JAKMIP1: variants seen among roughly 807,000 people sequenced by gnomAD.
JAKMIP1 encodes the protein janus kinase and microtubule interacting protein 1, also known as janus kinase and microtubule-interacting protein 1.
Under a neutral mutation model 113.0 loss-of-function variants are expected in JAKMIP1, and 33 were observed. The observed-to-expected ratio is 0.29, with a 90% confidence interval of 0.22 to 0.39. The LOEUF (loss-of-function observed/expected upper bound fraction) is 0.39, where lower values mean the gene tolerates loss of function less well. Ranked by LOEUF, JAKMIP1 falls within the 10% of genes least tolerant of loss-of-function variation. The pLI, the probability that JAKMIP1 is intolerant of heterozygous loss-of-function variation, is 1.00. For missense variants in JAKMIP1, 813 were observed against 1,080.5 expected (o/e 0.75, Z 3.47); for synonymous variants, 480 against 459.9 (o/e 1.04, Z -0.56).
rs1024915567 is a variant in JAKMIP1 at position 6,186,099 on chromosome 4, G to A, written c.-148+14154C>T. Among the ~76,000 whole-genome samples the A allele has an allele frequency of 1.3e-5, 2 of 152,076 alleles. No individual in the cohort carries two copies. The highest frequency in any genetic ancestry group is 2.4e-5 in the African/African-American group (1 of 41,394). On this transcript the variant is annotated intron_variant, in intron 1 of 20. Coordinates refer to ENST00000409021, the MANE Select transcript of JAKMIP1 (RefSeq NM_001099433.2). The surrounding 1 kb of genome is among the most constrained non-coding windows in gnomAD (Gnocchi z 5.5). ...GGCTAGGGGCTACAGGAAGGAGAAC[G>A]AACAAGTTGTGGTGAGAATTACACA...
At chr4:6,066,480 C>A (rs1718094484) in intron 8 of JAKMIP1, among the ~76,000 whole-genome samples, 1 of 152,172 alleles carries the variant, frequency 6.6e-6, no homozygotes, top group African/African-American at 2.4e-5. Context: ...GAATACGACT[C>A]TCCCCCGAAC....
intron 12 of JAKMIP1, among the ~76,000 whole-genome samples, chr4:6,055,283 C>A (rs1716234749): frequency 6.6e-6 from 1 of 152,128 alleles, no homozygotes; most frequent in African/African-American, 2.4e-5. Flanking sequence ...CAGGAGGGGT[C>A]TTTATCAGGC....
chr4:6,032,026 G>A (rs539767487), intron 19 of JAKMIP1, among the ~76,000 whole-genome samples: 195 of 152,286 alleles, frequency 1.3e-3, no homozygotes, highest in Non-Finnish European at 1.7e-3. Flanking sequence ...CAGGGCGGCC[G>A]AGTGCTGCTG....
intron 3 of JAKMIP1, among the ~76,000 whole-genome samples, chr4:6,095,057 A>C (rs1486995881): frequency 3.7e-5 from 5 of 136,036 alleles, no homozygotes; most frequent in African/African-American, 1.3e-4. Context: ...AAGGAAGGAA[A>C]GAAGGAAAGT....
intron 16 of JAKMIP1, among the ~76,000 whole-genome samples, chr4:6,043,241 G>A (rs1238569489): frequency 2.0e-5 from 3 of 151,504 alleles, no homozygotes; most frequent in African/African-American, 7.3e-5. Flanking sequence ...CCTGCCACCA[G>A]ATCCCGGCTG....
In JAKMIP1 at chr4:6,138,546, A is replaced by G. The variant is rs1719602168; in HGVS notation, c.-147-25549T>C. The stretch of plus-strand genomic sequence containing the variant: ...GCCACTGCACCTGGCCTAGAATCCA[A>G]GTTAAAATTAAAGAGGGACACACAA... On this transcript the variant is annotated intron_variant, in intron 1 of 20. Transcript: ENST00000409021. The surrounding 1 kb of genome is among the most constrained non-coding windows in gnomAD (Gnocchi z 6.0). Among the ~76,000 whole-genome samples the G allele has an allele frequency of 6.6e-6, 1 of 152,130 alleles. No individual in the cohort carries two copies. Among genetic ancestry groups the G allele is most frequent in the African/African-American group, 2.4e-5 (1 of 41,416 alleles).
chr4:6,029,823 C>T lies in JAKMIP1; in HGVS notation c.2380-42G>A, dbSNP rs191428347. On this transcript the variant is annotated intron_variant, in intron 19 of 20. Transcript: ENST00000409021. The stretch of plus-strand genomic sequence containing the variant: ...TACGTGTCAGAAAAAGTAAGTTTTC[C>T]AGGTTTAAAAACTCTGTTTTTATTT... 5.7e-5 allele frequency: 79 copies of T among 1,391,440 alleles called. 1 individual carries two copies. In the Admixed American group the frequency reaches 1.2e-3, roughly 21 times the overall value. 86.2% of individuals were successfully genotyped at this position (1,391,440 alleles called of 1,614,324 possible).
At chr4:6,125,932 C>A (rs1717463513) in intron 1 of JAKMIP1, among the ~76,000 whole-genome samples, 1 of 65,652 alleles carries the variant, frequency 1.5e-5, no homozygotes, top group Non-Finnish European at 3.3e-5. Flanking sequence ...TGCAGAAACA[C>A]ACACACACCA....
intron 1 of JAKMIP1, among the ~76,000 whole-genome samples, chr4:6,114,831 T>C (rs2108894700): frequency 6.6e-6 from 1 of 152,312 alleles, no homozygotes; most frequent in South Asian, 2.1e-4. Flanking sequence ...GAAATCAGCC[T>C]TCGAGTCTGA....
intron 8 of JAKMIP1, among the ~76,000 whole-genome samples, chr4:6,074,472 C>G (rs1208695758): frequency 1.3e-5 from 2 of 152,202 alleles, no homozygotes; most frequent in African/African-American, 2.4e-5. Context: ...TGTTAAAACA[C>G]TTCCATGTGT....
At position 6,156,268 on chromosome 4, in the gene JAKMIP1, C is replaced by G. The variant is rs1011349149; in HGVS notation, c.-147-43271G>C. ...GGAACAAGCGAATGCCACTGTATCA[C>G]ACTGATCCTAAGTTAACGTTTCTGA... On this transcript the variant is annotated intron_variant, in intron 1 of 20. Transcript: ENST00000409021. This position sits in a 1 kb window ranked among gnomAD's most constrained non-coding sequence, Gnocchi z 5.0. Among the ~76,000 whole-genome samples, 1 of 152,206 alleles carries G rather than the reference C, an allele frequency of 6.6e-6. No homozygotes were observed. The highest frequency in any genetic ancestry group is 6.5e-5 in the Admixed American group (1 of 15,288).
chr4:6,068,020 G>A (rs531203945), intron 8 of JAKMIP1, among the ~76,000 whole-genome samples: 3 of 152,322 alleles, frequency 2.0e-5, no homozygotes, highest in Admixed American at 6.5e-5. Context: ...ACACACTGCT[G>A]GGCTGTGACC....
Position 6,051,315 on chromosome 4 carries a change from C to T in JAKMIP1, c.1807-636G>A, listed in dbSNP as rs1250295895. Among the ~76,000 whole-genome samples the T allele has an allele frequency of 2.0e-5, 3 of 152,000 alleles. No individual in the cohort carries two copies. The highest frequency in any genetic ancestry group is 6.5e-5 in the Admixed American group (1 of 15,274). On this transcript the variant is annotated intron_variant, in intron 13 of 20. Transcript: ENST00000409021. This position sits in a 1 kb window ranked among gnomAD's most constrained non-coding sequence, Gnocchi z 5.0. ...TTGGCTCACTGCAACCTCCACCTCC[C>T]GGGTTCAAGTGATTCTCCTGCCTCA...
At position 6,199,224 on chromosome 4, in the gene JAKMIP1, G is replaced by T. The variant is rs956468426; in HGVS notation, c.-148+1029C>A. ...AGGGCTGGCGGTTAGATACAGTATCGCTGGAGCTCAGAGAGCCGGGCAGAG... is the reference window on the plus strand; with the variant it reads ...AGGGCTGGCGGTTAGATACAGTATCTCTGGAGCTCAGAGAGCCGGGCAGAG... On this transcript the variant is annotated intron_variant, in intron 1 of 20. Coordinates refer to ENST00000409021, the MANE Select transcript of JAKMIP1 (RefSeq NM_001099433.2). This position sits in a 1 kb window ranked among gnomAD's most constrained non-coding sequence, Gnocchi z 5.6. Among the ~76,000 whole-genome samples, 1 of 152,252 alleles carries T rather than the reference G, an allele frequency of 6.6e-6. No homozygotes were observed. The highest frequency in any genetic ancestry group is 2.4e-5 in the African/African-American group (1 of 41,476).
At position 6,138,227 on chromosome 4, in the gene JAKMIP1, GTTAAT is replaced by G. The variant is rs1719547994; in HGVS notation, c.-147-25235_-147-25231del. 6.6e-6 allele frequency among the ~76,000 whole-genome samples: 1 copy of G among 152,114 alleles called. No homozygotes were observed. The highest frequency in any genetic ancestry group is 2.1e-4 in the South Asian group (1 of 4,822). Reference sequence around the variant, plus strand: ...AAAGCTGGGGTACCCCAGAACCCAAGTTAATTTAATTTTTATTTATTTTTATTTTT... The same window carrying G: ...AAAGCTGGGGTACCCCAGAACCCAAGTTAATTTTTATTTATTTTTATTTTT... On this transcript the variant is annotated intron_variant, in intron 1 of 20. Coordinates refer to ENST00000409021, the MANE Select transcript of JAKMIP1 (RefSeq NM_001099433.2). This position sits in a 1 kb window ranked among gnomAD's most constrained non-coding sequence, Gnocchi z 6.0.
At chr4:6,096,284 T>G (rs1401414771) in intron 3 of JAKMIP1, among the ~76,000 whole-genome samples, 2 of 152,276 alleles carry the variant, frequency 1.3e-5, no homozygotes, top group Admixed American at 1.3e-4. Flanking sequence ...GAGGTTAAAC[T>G]AATTTTTATA....
intron 1 of JAKMIP1, among the ~76,000 whole-genome samples, chr4:6,117,894 C>T (rs980136504): frequency 6.6e-6 from 1 of 152,264 alleles, no homozygotes; most frequent in African/African-American, 2.4e-5. Context: ...GGTTCTCTCT[C>T]TTATTCCCTG....
At position 6,131,173 on chromosome 4, in the gene JAKMIP1, A is replaced by AAAAAAAAAG. The variant is rs71173409; in HGVS notation, c.-147-18177_-147-18176insCTTTTTTTT. Among the ~76,000 whole-genome samples, 54 of 95,464 alleles carry AAAAAAAAAG rather than the reference A, an allele frequency of 5.7e-4. 9 individuals carry two copies. Among genetic ancestry groups the AAAAAAAAAG allele is most frequent in the African/African-American group, 1.9e-3 (51 of 26,164 alleles). 62.6% of individuals were successfully genotyped at this position (95,464 alleles called of 152,430 possible). On this transcript the variant is annotated intron_variant, in intron 1 of 20. Transcript: ENST00000409021. ...TAAGACCTTGCCTCCAAAAAAAAAA[A>AAAAAAAAAG]AATATCCCAGGACTATAAGACAACT...
rs935173798 is a variant in JAKMIP1 at position 6,194,117 on chromosome 4, T to C, written c.-148+6136A>G. Among the ~76,000 whole-genome samples the C allele has an allele frequency of 6.6e-6, 1 of 151,784 alleles. No homozygotes were observed. ...CAAATCCAAGGAGACAGAGGGCAGA[T>C]GGATGGATGCCGGGGCTGGGAGAGG... On this transcript the variant is annotated intron_variant, in intron 1 of 20. Transcript: ENST00000409021. This position sits in a 1 kb window ranked among gnomAD's most constrained non-coding sequence, Gnocchi z 7.4.
Sources: gnomAD v4.1 joint callset for allele counts (sites outside exome capture counted in the v4.1 genomes callset) on GRCh38, gnomAD v4.1.1 for gene constraint, Gnocchi (gnomAD v3.1) non-coding constraint, MANE v1.5 for transcripts, NCBI Gene and HGNC (gene_info 2026-07-23, HGNC 2026-07-21) for gene names.